Variants in BRD10 observed in about 807,000 individuals in gnomAD.
BRD10 encodes uncharacterized bromodomain-containing protein 10.
the BRD10 span, among the ~76,000 whole-genome samples, chr9:5,958,880 T>C: frequency 6.6e-6 from 1 of 152,162 alleles, no homozygotes; most frequent in Non-Finnish European, 1.5e-5. Flanking sequence ...GAGCCTAAAC[T>C]TGTCTTTTAT....
chr9:6,008,314 C>T, the BRD10 span: 3 of 984,906 alleles, frequency 3.0e-6, no homozygotes, highest in Non-Finnish European at 3.6e-6. Flanking sequence ...AGGCGGTGCA[C>T]GGACGGGGCC....
the BRD10 span, among the ~76,000 whole-genome samples, chr9:5,957,508 G>T: frequency 6.6e-6 from 1 of 152,112 alleles, no homozygotes; most frequent in Non-Finnish European, 1.5e-5. Flanking sequence ...AACAGGTAAA[G>T]AAACTGATGG....
the BRD10 span, among the ~76,000 whole-genome samples, chr9:5,923,912 A>G: frequency 6.6e-6 from 1 of 152,220 alleles, no homozygotes; most frequent in African/African-American, 2.4e-5. Context: ...ATTAACCTCT[A>G]CATAACCAAA....
At chr9:5,937,457 C>T in the BRD10 span, among the ~76,000 whole-genome samples, 3 of 151,368 alleles carry the variant, frequency 2.0e-5, no homozygotes, top group Non-Finnish European at 4.4e-5. Context: ...ATCGCTTGAA[C>T]CTGGGAGGCA....
chr9:5,974,158 C>G, the BRD10 span, among the ~76,000 whole-genome samples: 1 of 152,030 alleles, frequency 6.6e-6, no homozygotes, highest in African/African-American at 2.4e-5. Context: ...GGACAGATTA[C>G]GTATACAGGA....
the BRD10 span, among the ~76,000 whole-genome samples, chr9:5,882,057 C>A: frequency 9.9e-4 from 151 of 152,316 alleles, 3 homozygotes; most frequent in East Asian, 0.028. Context: ...TAGTCTCCTG[C>A]AGGATTTTTA....
chr9:5,992,267 A>G, the BRD10 span, among the ~76,000 whole-genome samples: 1 of 152,170 alleles, frequency 6.6e-6, no homozygotes, highest in Non-Finnish European at 1.5e-5. Context: ...TGTGCCCTAT[A>G]TATCTATATG....
chr9:6,003,721 C>T, the BRD10 span, among the ~76,000 whole-genome samples: 8 of 152,052 alleles, frequency 5.3e-5, no homozygotes, highest in Non-Finnish European at 7.4e-5. Flanking sequence ...ACTGAAAGAG[C>T]AGACCTGAAT....
At chr9:5,903,573 G>A in the BRD10 span, among the ~76,000 whole-genome samples, 1 of 152,114 alleles carries the variant, frequency 6.6e-6, no homozygotes, top group African/African-American at 2.4e-5. Flanking sequence ...TGTTATTTCT[G>A]ATAGAGAGAT....
the BRD10 span, chr9:5,919,962 T>C: frequency 1.2e-6 from 2 of 1,613,748 alleles, no homozygotes; most frequent in East Asian, 2.2e-5. Flanking sequence ...GCCAAAAGAG[T>C]AGCTGGAGAC....
At chr9:5,922,119 T>C in the BRD10 span, 2 of 1,614,008 alleles carry the variant, frequency 1.2e-6, no homozygotes, top group South Asian at 1.1e-5. Context: ...GTCTGTACTT[T>C]TACAACTCCA....
the BRD10 span, among the ~76,000 whole-genome samples, chr9:5,935,067 C>T: frequency 1.3e-5 from 2 of 151,844 alleles, no homozygotes; most frequent in African/African-American, 4.8e-5. Context: ...GTACACAGTC[C>T]CTGAAAAAGT....
chr9:5,944,187 G>T, the BRD10 span, among the ~76,000 whole-genome samples: 1 of 152,050 alleles, frequency 6.6e-6, no homozygotes, highest in Non-Finnish European at 1.5e-5. Context: ...GTATGTAATT[G>T]TGTTTAAAAT....
chr9:5,943,260 T>C, the BRD10 span, among the ~76,000 whole-genome samples: 1 of 152,188 alleles, frequency 6.6e-6, no homozygotes, highest in Non-Finnish European at 1.5e-5. Context: ...TCTAGAATGC[T>C]TGCAGAAGTC....
the BRD10 span, among the ~76,000 whole-genome samples, chr9:5,917,440 G>A: frequency 1.2e-4 from 19 of 152,246 alleles, no homozygotes; most frequent in African/African-American, 4.1e-4. Flanking sequence ...GGAACAGACT[G>A]AAGAGCTTTT....
chr9:6,007,654 C>T, the BRD10 span: 1 of 1,605,722 alleles, frequency 6.2e-7, no homozygotes, highest in Non-Finnish European at 8.5e-7. Flanking sequence ...GGAGGCACTC[C>T]TTCCGTGGGC....
the BRD10 span, among the ~76,000 whole-genome samples, chr9:5,982,020 A>C: frequency 1.3e-5 from 2 of 151,100 alleles, no homozygotes; most frequent in South Asian, 2.1e-4. Context: ...TTCCCCAAAA[A>C]CCTATTGAAA....
the BRD10 span, among the ~76,000 whole-genome samples, chr9:5,913,353 G>A: frequency 6.6e-6 from 1 of 152,288 alleles, no homozygotes; most frequent in Middle Eastern, 3.4e-3. Context: ...TCATTTCACA[G>A]TTCAACAGTT....
chr9:5,921,914 A>G, the BRD10 span: 28 of 1,613,972 alleles, frequency 1.7e-5, no homozygotes, highest in South Asian at 3.1e-4. Context: ...GGATGGGGCA[A>G]AGCTAGCTGG....
Sources: allele counts gnomAD v4.1 joint callset (sites outside exome capture counted in the v4.1 genomes callset), GRCh38; gene constraint gnomAD v4.1.1; transcripts MANE v1.5; gene names NCBI Gene and HGNC (gene_info 2026-07-23, HGNC 2026-07-21).